Variants in MYL5 observed in about 807,000 individuals in gnomAD.
The protein encoded by MYL5 is myosin light chain 5, also known as myosin regulatory light chain 5.
A neutral mutation model predicts 20.8 loss-of-function variants in MYL5; 28 were observed. The ratio of observed to expected loss-of-function variants is 1.35; its 90% CI spans 1.00 to 1.84. The LOEUF (loss-of-function observed/expected upper bound fraction) is 1.84, where lower values mean the gene tolerates loss of function less well. MYL5 is among the 40% of genes most tolerant of loss of function. The pLI, the probability that MYL5 is intolerant of heterozygous loss-of-function variation, is 0.00. For synonymous variants in MYL5, 118 were observed against 87.4 expected, an observed-to-expected ratio of 1.35 and a Z score of -1.95; for missense variants, 274 against 227.3, an observed-to-expected ratio of 1.21 and a Z score of -1.32.
chr4:680,519 CGAG>C (rs757956476), exon 5 of MYL5: 3 of 1,613,366 alleles, frequency 1.9e-6, no homozygotes, highest in Non-Finnish European at 2.5e-6. Flanking sequence ...GTACCGACGC[CGAG>C]GAGACCATTC....
Position 681,036 on chromosome 4 carries a change from G to A in MYL5, c.372-56G>A, listed in dbSNP as rs1240813814. On this transcript the variant is annotated intron_variant, in intron 5 of 6. Coordinates refer to ENST00000400159, the Ensembl canonical transcript of MYL5. ...GCCCCTGGAGCACCTGAGCCCCACC[G>A]AGAAGGCTCCTGCACCCCCGCATCA... 15 of 1,555,084 alleles carry A rather than the reference G, an allele frequency of 9.6e-6. No homozygotes were observed. In the East Asian group the frequency reaches 3.3e-4, roughly 34 times the overall value.
chr4:681,289 G>C, intron 6 of MYL5, 149 bp downstream of exon 8: 1 of 911,020 alleles, frequency 1.1e-6, no homozygotes, highest in Non-Finnish European at 1.7e-6. Flanking sequence ...CGAAGTGCCC[G>C]TCTGAGGGAC....
chr4:679,393 G>A (rs367622727), intron 3 of MYL5, among the ~76,000 whole-genome samples: 13 of 152,216 alleles, frequency 8.5e-5, no homozygotes, highest in East Asian at 7.7e-4. Context: ...GACCCTGCCC[G>A]GCCAGACCAC....
At chr4:677,155 G>T (rs963791060), upstream of MYL5, among the ~76,000 whole-genome samples, 17 of 152,176 alleles carry the variant, frequency 1.1e-4, no homozygotes, top group African/African-American at 2.4e-5. Flanking sequence ...CCACGCAGAC[G>T]CAGGCCTGGG....
chr4:678,177 CATGAGCGTGTGT>C, intron 1 of MYL5, 148 bp downstream of exon 3: 1 of 1,537,264 alleles, frequency 6.5e-7, no homozygotes, highest in South Asian at 1.2e-5. Context: ...TATGTGTGTG[CATGAGCGTGTGT>C]ATGTGCGTGT....
At chr4:680,749 A>G in intron 5 of MYL5, 162 bp downstream of exon 7, 2 of 743,392 alleles carry the variant, frequency 2.7e-6, no homozygotes, top group Non-Finnish European at 4.4e-6. Context: ...GCTGAGTGGG[A>G]GGCCAGCCCT....
chr4:677,567 G>C (rs1738973315), upstream of MYL5, among the ~76,000 whole-genome samples: 3 of 152,126 alleles, frequency 2.0e-5, no homozygotes, highest in African/African-American at 7.2e-5. Context: ...GGACACCCCT[G>C]ACAGACAGAG....
chr4:680,291 G>A lies in MYL5; in HGVS notation c.293-218G>A, dbSNP rs564418296. 9.9e-5 allele frequency among the ~76,000 whole-genome samples: 15 copies of A among 152,234 alleles called. No individual in the cohort carries two copies. The East Asian group carries it at 2.1e-3, about 22-fold the overall frequency. On this transcript the variant is annotated intron_variant, in intron 4 of 6. Transcript: ENST00000400159. ...CCAGCTCCAGGCCTGGGCTGACCCT[G>A]GGCACCCCAAAACTCACTACACCCC...
chr4:682,016 C>G (rs768402159), exon 7 of MYL5: 14 of 1,428,022 alleles, frequency 9.8e-6, no homozygotes, highest in Non-Finnish European at 1.2e-5. Context: ...GTCAATAAAC[C>G]TGGACGCTTG....
At chr4:676,001 C>T (rs1393392566), upstream of MYL5, 4 of 152,370 alleles carry the variant, frequency 2.6e-5, no homozygotes, top group South Asian at 2.1e-4. Context: ...ATCTTTTCTC[C>T]AGCTTCTGTG....
chr4:681,418 G>C (rs1404343589), intron 6 of MYL5, among the ~76,000 whole-genome samples: 2 of 151,946 alleles, frequency 1.3e-5, no homozygotes, highest in Non-Finnish European at 2.9e-5. Context: ...GGGGCTCACA[G>C]CTGTGCGGTC....
At chr4:681,178 AG>A in intron 6 of MYL5, 38 bp downstream of exon 8, 1 of 1,587,332 alleles carries the variant, frequency 6.3e-7, no homozygotes, top group Non-Finnish European at 8.6e-7. Flanking sequence ...CCACGAGGGG[AG>A]GGCGGGGCTC....
chr4:681,995 G>A (rs1243845427), exon 7 of MYL5: 1 of 1,416,890 alleles, frequency 7.1e-7, no homozygotes. Context: ...GGAGGAGTGA[G>A]ACCCAGCCGG....
intron 4 of MYL5, 95 bp downstream of exon 6, chr4:680,113 T>C (rs1577335199): frequency 8.1e-7 from 1 of 1,229,174 alleles, no homozygotes. Flanking sequence ...TTCCAATCTC[T>C]GGAGAAGCCC....
At chr4:680,699 G>T in intron 5 of MYL5, 112 bp downstream of exon 7, 2 of 1,133,936 alleles carry the variant, frequency 1.8e-6, no homozygotes, top group South Asian at 2.7e-5. Flanking sequence ...CCCCACCTCT[G>T]ACCAGCTTCA....
chr4:677,387 A>G (rs996596417), upstream of MYL5, among the ~76,000 whole-genome samples: 14 of 152,150 alleles, frequency 9.2e-5, no homozygotes, highest in African/African-American at 3.4e-4. Flanking sequence ...AGGGCCCTAG[A>G]GTCCCCCTCC....
chr4:681,771 G>T (rs1358162458), intron 6 of MYL5, 122 bp from the exon 9 acceptor site: 4 of 1,144,214 alleles, frequency 3.5e-6, no homozygotes, highest in Non-Finnish European at 4.3e-6. Context: ...CCCTCACCCC[G>T]CACCCGGGCC....
chr4:681,815 A>G, intron 6 of MYL5, 78 bp from the exon 9 acceptor site: 1 of 1,251,530 alleles, frequency 8.0e-7, no homozygotes. Context: ...CGCAGAAACC[A>G]CACCCGGGGC....
exon 7 of MYL5, chr4:681,904 G>A (rs1471253585): frequency 5.4e-5 from 71 of 1,316,974 alleles, no homozygotes; most frequent in Non-Finnish European, 6.7e-5. Flanking sequence ...TGGACCAGAT[G>A]TTCCAGTTCG....
Sources: allele counts gnomAD v4.1 joint callset (sites outside exome capture counted in the v4.1 genomes callset), GRCh38; gene constraint gnomAD v4.1.1; transcripts MANE v1.5; gene names NCBI Gene and HGNC (gene_info 2026-07-23, HGNC 2026-07-21).